EVA1C: variants seen among roughly 807,000 people sequenced by gnomAD.
The protein encoded by EVA1C is protein eva-1 homolog C.
Under a neutral mutation model 45.4 loss-of-function variants are expected in EVA1C, and 25 were observed. That is an observed-to-expected ratio of 0.55 (90% confidence interval 0.40 to 0.77). The LOEUF (loss-of-function observed/expected upper bound fraction) is 0.77. Ranked by LOEUF, EVA1C falls within the 30% of genes least tolerant of loss-of-function variation. The probability of loss-of-function intolerance (pLI) is 0.00; values close to 1 mark genes in which losing one functional copy is unlikely to be tolerated. For missense variants in EVA1C, 479 were observed against 554.8 expected (o/e 0.86, Z 1.37); for synonymous variants, 190 against 221.2 (o/e 0.86, Z 1.25).
At position 32,465,305 on chromosome 21, in the gene EVA1C, A is replaced by G. The variant is rs79796816; in HGVS notation, c.482-2391A>G. 6.4e-3 allele frequency among the ~76,000 whole-genome samples: 978 copies of G among 152,276 alleles called. 18 individuals are homozygous for G. The highest frequency in any genetic ancestry group is 0.036 in the Admixed American group (547 of 15,300). The stretch of plus-strand genomic sequence containing the variant: ...GAAAGAAAAGTGGAAGAACATGAGC[A>G]CGTGAGAGGAGTGAGAGGCTGGGGT... On this transcript the variant is annotated intron_variant, in intron 3 of 7. Coordinates refer to ENST00000300255, the MANE Select transcript of EVA1C (RefSeq NM_058187.5).
intron 1 of EVA1C, among the ~76,000 whole-genome samples, chr21:32,420,263 G>A (rs921665758): frequency 1.1e-4 from 17 of 152,332 alleles, no homozygotes; most frequent in Middle Eastern, 3.4e-3. Flanking sequence ...CCAGCCACTC[G>A]GGAGGCTGAG....
intron 3 of EVA1C, among the ~76,000 whole-genome samples, chr21:32,460,306 T>A (rs2035950880): frequency 6.6e-6 from 1 of 152,150 alleles, no homozygotes; most frequent in African/African-American, 2.4e-5. Context: ...ACAGCACCTT[T>A]CAAGAGAGGC....
intron 4 of EVA1C, among the ~76,000 whole-genome samples, chr21:32,483,661 G>A (rs566250934): frequency 2.3e-3 from 351 of 152,234 alleles, no homozygotes; most frequent in Non-Finnish European, 3.9e-3. Flanking sequence ...CACAGATCAG[G>A]CACCCCTACA....
rs1372094725 is a variant in EVA1C, at chr21:32,515,315, G to A, written c.*125G>A. ...TCGTCATGTCATTCAACACTCGTGA[G>A]GCCAGGAAGCTATTAAAGGGATGTT... On this transcript the variant is annotated 3_prime_UTR_variant, in exon 8 of 8. Coordinates refer to ENST00000300255, the MANE Select transcript of EVA1C (RefSeq NM_058187.5). 2.8e-6 allele frequency: 3 copies of A among 1,061,368 alleles called. No individual in the cohort carries two copies. The highest frequency in any genetic ancestry group is 1.6e-5 in the African/African-American group (1 of 63,276). 65.7% of individuals were successfully genotyped at this position (1,061,368 alleles called of 1,614,324 possible).
At chr21:32,507,888 T>G (rs935203579) in intron 7 of EVA1C, among the ~76,000 whole-genome samples, 2 of 145,364 alleles carry the variant, frequency 1.4e-5, no homozygotes, top group African/African-American at 2.7e-5. Context: ...TGCATGTGTA[T>G]CTGTGCATGT....
intron 3 of EVA1C, among the ~76,000 whole-genome samples, chr21:32,460,029 C>T (rs551596686): frequency 3.3e-5 from 5 of 152,292 alleles, no homozygotes; most frequent in South Asian, 2.1e-4. Context: ...GACCGAACCT[C>T]GGATAAGTCA....
rs1446692498 is a variant in EVA1C at position 32,502,017 on chromosome 21, TTTCTTTCTTTCTTTCTTTCTTTC to T, written c.859+525_859+547del. On this transcript the variant is annotated intron_variant, in intron 6 of 7. Transcript: ENST00000300255. ...CTTTCTTTCTTTCTTTCTTTCTTTCTTTCTTTCTTTCTTTCTTTCTTTCTTTCTTTCTTTCTTCTTTCTTTCTT... is the reference window on the plus strand; with the variant it reads ...CTTTCTTTCTTTCTTTCTTTCTTTCTTTTCTTTCTTTCTTCTTTCTTTCTT... Among the ~76,000 whole-genome samples the T allele has an allele frequency of 3.0e-3, 431 of 141,330 alleles. 4 individuals carry two copies. Among genetic ancestry groups the T allele is most frequent in the African/African-American group, 0.011 (395 of 35,286 alleles). 92.7% of individuals were successfully genotyped at this position (141,330 alleles called of 152,430 possible).
intron 5 of EVA1C, chr21:32,497,284 A>G: frequency 2.8e-6 from 2 of 703,912 alleles, no homozygotes; most frequent in South Asian, 2.9e-5. Context: ...ATCAAAGAAA[A>G]CAAATCTCCA....
intron 6 of EVA1C, among the ~76,000 whole-genome samples, chr21:32,503,519 C>G (rs1439860020): frequency 7.1e-6 from 1 of 141,234 alleles, no homozygotes; most frequent in African/African-American, 2.8e-5. Flanking sequence ...TGCACTCCAG[C>G]CTGGGCAACA....
intron 4 of EVA1C, among the ~76,000 whole-genome samples, chr21:32,489,062 T>C (rs1294365381): frequency 6.6e-6 from 1 of 152,268 alleles, no homozygotes; most frequent in African/African-American, 2.4e-5. Flanking sequence ...AGGCTGCTTT[T>C]TCATTGTGTT....
At chr21:32,454,528 C>A (rs184071063) in intron 2 of EVA1C, among the ~76,000 whole-genome samples, 3 of 152,058 alleles carry the variant, frequency 2.0e-5, no homozygotes, top group Non-Finnish European at 1.5e-5. Flanking sequence ...ATCTGAGCAA[C>A]TTCTACTTCA....
At chr21:32,443,708 C>T (rs1391971157) in intron 1 of EVA1C, among the ~76,000 whole-genome samples, 1 of 152,170 alleles carries the variant, frequency 6.6e-6, no homozygotes, top group South Asian at 2.1e-4. Flanking sequence ...GTCATACACC[C>T]TAATTCCTAG....
At chr21:32,465,907 T>C (rs2036155116) in intron 3 of EVA1C, among the ~76,000 whole-genome samples, 2 of 152,206 alleles carry the variant, frequency 1.3e-5, no homozygotes. Context: ...ATTTACTGAG[T>C]AGTGCAACCG....
chr21:32,418,297 C>T (rs996432387), intron 1 of EVA1C, among the ~76,000 whole-genome samples: 1 of 152,168 alleles, frequency 6.6e-6, no homozygotes, highest in Non-Finnish European at 1.5e-5. Context: ...CTAGAGGCCA[C>T]AGAAGAAGAG....
chr21:32,432,264 G>A (rs2034734156), intron 1 of EVA1C, among the ~76,000 whole-genome samples: 1 of 152,120 alleles, frequency 6.6e-6, no homozygotes, highest in African/African-American at 2.4e-5. Context: ...ATTCAGTGAA[G>A]GTGGGCGCAG....
intron 4 of EVA1C, among the ~76,000 whole-genome samples, chr21:32,487,963 T>C (rs141216239): frequency 2.2e-3 from 332 of 152,286 alleles, no homozygotes; most frequent in African/African-American, 7.4e-3. Flanking sequence ...GGCTTGCGAT[T>C]GGCATCTGAT....
intron 1 of EVA1C, among the ~76,000 whole-genome samples, chr21:32,437,999 C>T (rs1169910722): frequency 6.6e-6 from 1 of 152,182 alleles, no homozygotes; most frequent in African/African-American, 2.4e-5. Flanking sequence ...TGTTTCCGCT[C>T]TGCGTCTATC....
chr21:32,481,946 T>G (rs1213753449), intron 4 of EVA1C, among the ~76,000 whole-genome samples: 10 of 152,226 alleles, frequency 6.6e-5, no homozygotes, highest in Admixed American at 6.5e-4. Context: ...GAGCATGTAA[T>G]TTAGACTCTA....
At chr21:32,503,482 G>A (rs1228392845) in intron 6 of EVA1C, among the ~76,000 whole-genome samples, 1 of 152,094 alleles carries the variant, frequency 6.6e-6, no homozygotes, top group South Asian at 2.1e-4. Flanking sequence ...GGAGGTAGAT[G>A]GTTGCAGTGA....
Sources: gnomAD v4.1 joint callset for allele counts (sites outside exome capture counted in the v4.1 genomes callset) on GRCh38, gnomAD v4.1.1 for gene constraint, MANE v1.5 for transcripts, NCBI Gene and HGNC (gene_info 2026-07-23, HGNC 2026-07-21) for gene names.